NCAPD3: variants seen among roughly 807,000 people sequenced by gnomAD.
NCAPD3 encodes condensin-2 complex subunit D3.
A neutral mutation model predicts 182.9 loss-of-function variants in NCAPD3; 105 were observed. The observed-to-expected ratio is 0.57, with a 90% CI of 0.49 to 0.68. The LOEUF is 0.68. Among genes scored for constraint, NCAPD3 ranks in the 30% least tolerant of loss-of-function variants. The probability of loss-of-function intolerance (pLI) is 0.00; values close to 1 mark genes in which losing one functional copy is unlikely to be tolerated. For synonymous variants in NCAPD3, 815 were observed against 679.9 expected (o/e 1.20, Z -3.09); for missense variants, 1,944 against 1,837.0 (o/e 1.06, Z -1.07).
intron 27 of NCAPD3, among the ~76,000 whole-genome samples, chr11:134,166,019 A>T (rs1383388535): frequency 1.8e-5 from 2 of 113,592 alleles, no homozygotes; most frequent in Admixed American, 1.0e-4. Flanking sequence ...TTGTGAGATG[A>T]GCTTGGGGGA....
intron 19 of NCAPD3, among the ~76,000 whole-genome samples, chr11:134,183,536 C>G (rs1247636690): frequency 6.6e-6 from 1 of 152,284 alleles, no homozygotes; most frequent in East Asian, 1.9e-4. Context: ...CCACTGTACT[C>G]TAGCCTGGGT....
At chr11:134,171,995 A>G (rs895244059) in intron 24 of NCAPD3, among the ~76,000 whole-genome samples, 6 of 152,138 alleles carry the variant, frequency 3.9e-5, no homozygotes, top group African/African-American at 1.4e-4. Flanking sequence ...GGAACAACAA[A>G]ACCAAACTCA....
Position 134,194,120 on chromosome 11 carries a change from C to A in NCAPD3, c.1720G>T (p.Val574Phe). ...CACAGGTCTTCCTTCATGCCTGAGA[C>A]ATCACAGTGTTTCAAAATACTCACT... ...VLVSILKHCD[V>F]SGMKEDLWIL... The change falls in exon 15 of 35, where the codon GTC (valine) becomes TTC (phenylalanine). Residue 574 changes from valine (V) to phenylalanine (F), a missense_variant. Val to Phe is a conservative substitution (Grantham distance 50). This residue lies in a region of NCAPD3 where 1,803 missense variants were observed against 1,674.6 expected (regional missense o/e 1.08). Transcript: ENST00000534548. The A allele has an allele frequency of 6.2e-7, 1 of 1,614,176 alleles. No homozygotes were observed. The highest frequency in any genetic ancestry group is 8.5e-7 in the Non-Finnish European group (1 of 1,180,006).
At chr11:134,225,295 A>G (rs1023897341), upstream of NCAPD3, 13 of 1,613,804 alleles carry the variant, frequency 8.1e-6, no homozygotes, top group Admixed American at 3.3e-5. Flanking sequence ...AAGAACCCCA[A>G]CAAGCGGCTG....
In NCAPD3 at chr11:134,185,522, A is replaced by C; in HGVS notation, c.2050T>G (p.Tyr684Asp). The change falls in exon 17 of 35, where the codon TAT becomes GAT. Residue 684 changes from tyrosine to aspartate, a missense_variant. Around this residue, in one of 3 missense-constraint regions of NCAPD3, gnomAD observed 1,803 missense variants for 1,674.6 expected, o/e 1.08. Coordinates refer to ENST00000534548, the MANE Select transcript of NCAPD3 (RefSeq NM_015261.3). ...LTTESQELSR[Y>D]LNKAFHIWSK... Reference sequence around the variant, plus strand: ...CAGATATGAAAAGCCTTATTTAAATATCGGCTGGAAAAAAAAAAGATAGAA... The same window carrying C: ...CAGATATGAAAAGCCTTATTTAAATCTCGGCTGGAAAAAAAAAAGATAGAA... The C allele has an allele frequency of 6.3e-7, 1 of 1,580,442 alleles. No homozygotes were observed. Among genetic ancestry groups the C allele is most frequent in the Non-Finnish European group, 8.6e-7 (1 of 1,166,050 alleles).
intron 2 of NCAPD3, among the ~76,000 whole-genome samples, chr11:134,218,856 C>T (rs1938122883): frequency 6.6e-6 from 1 of 152,224 alleles, no homozygotes; most frequent in Admixed American, 6.5e-5. Flanking sequence ...TCCCTGCACA[C>T]AATTTTTCCC....
upstream of NCAPD3, chr11:134,224,682 A>G (rs1938391669): frequency 6.6e-6 from 1 of 151,856 alleles, no homozygotes; most frequent in Admixed American, 6.6e-5. Flanking sequence ...GAGCCGCCGA[A>G]GCGCCTCGGT....
intron 32 of NCAPD3, chr11:134,153,659 G>C (rs1203622612): frequency 3.0e-5 from 14 of 465,200 alleles, no homozygotes; most frequent in Non-Finnish European, 4.3e-5. Context: ...CATTGCCCCT[G>C]TCCCGGTGAC....
intron 28 of NCAPD3, among the ~76,000 whole-genome samples, chr11:134,161,258 G>A (rs562320425): frequency 1.2e-4 from 18 of 152,194 alleles, no homozygotes; most frequent in East Asian, 1.9e-4. Flanking sequence ...ACTTAGGTCC[G>A]CCCTGCAAGT....
At chr11:134,218,061 G>T (rs1222918550) in intron 2 of NCAPD3, among the ~76,000 whole-genome samples, 1 of 127,594 alleles carries the variant, frequency 7.8e-6, no homozygotes, top group East Asian at 2.7e-4. Context: ...CTGTGCCACT[G>T]CATTCCAGCC....
At chr11:134,155,172 G>A (rs1213778547) in intron 32 of NCAPD3, among the ~76,000 whole-genome samples, 3 of 152,112 alleles carry the variant, frequency 2.0e-5, no homozygotes, top group East Asian at 1.9e-4. Flanking sequence ...TAAAATCCTC[G>A]CTCTGAAAAT....
chr11:134,219,313 C>T (rs534444736), intron 2 of NCAPD3, among the ~76,000 whole-genome samples: 1 of 152,254 alleles, frequency 6.6e-6, no homozygotes, highest in South Asian at 2.1e-4. Context: ...GAGCATTTTT[C>T]ACAGTGTGGT....
In NCAPD3 at chr11:134,206,132, A is replaced by G. The variant is rs186860167; in HGVS notation, c.1016+467T>C. Among the ~76,000 whole-genome samples the G allele has an allele frequency of 5.5e-4, 84 of 152,376 alleles. 2 individuals are homozygous for G. The highest frequency in any genetic ancestry group is 1.8e-3 in the African/African-American group (75 of 41,590). ...CTAACACTTATTGCTACGGAGGTAA[A>G]AAGCAACTCAATCCTTTCCTTCAAG... On this transcript the variant is annotated intron_variant, in intron 8 of 34. Coordinates refer to ENST00000534548, the MANE Select transcript of NCAPD3 (RefSeq NM_015261.3).
At position 134,158,330 on chromosome 11, in the gene NCAPD3, T is replaced by G; in HGVS notation, c.4033A>C (p.Arg1345=). Residue 1345 remains arginine, a splice_region_variant and synonymous_variant, in exon 30 of 35, where the codon AGG becomes CGG. Transcript: ENST00000534548. ...GPLQRLLPKA[R]PMSLSTIAIL... Reference sequence around the variant, plus strand: ...ATGTGGCCTCCAGGGGCTCTTTACCTGGCTTTGGGCAGCAACCTCTGCAAT... The same window carrying G: ...ATGTGGCCTCCAGGGGCTCTTTACCGGGCTTTGGGCAGCAACCTCTGCAAT... 6.2e-7 allele frequency: 1 copy of G among 1,614,084 alleles called. No individual in the cohort carries two copies. The highest frequency in any genetic ancestry group is 8.5e-7 in the Non-Finnish European group (1 of 1,180,006).
intron 16 of NCAPD3, among the ~76,000 whole-genome samples, chr11:134,188,475 G>A (rs1033131780): frequency 9.2e-5 from 14 of 151,934 alleles, no homozygotes; most frequent in African/African-American, 3.4e-4. Flanking sequence ...GCTCTTCACA[G>A]TAAATCTTAC....
At chr11:134,224,139 A>C, upstream of NCAPD3, 1 of 616,028 alleles carries the variant, frequency 1.6e-6, no homozygotes, top group Non-Finnish European at 2.9e-6. Context: ...AAGCCAAACA[A>C]GGCTCCTGCG....
chr11:134,204,208 C>T lies in NCAPD3; in HGVS notation c.1090-37G>A, dbSNP rs756025443. The T allele has an allele frequency of 1.2e-5, 19 of 1,605,842 alleles. No individual in the cohort carries two copies. The East Asian group carries it at 4.0e-4, about 34-fold the overall frequency. On this transcript the variant is annotated intron_variant, in intron 9 of 34. Coordinates refer to ENST00000534548, the MANE Select transcript of NCAPD3 (RefSeq NM_015261.3). The surrounding 1 kb of genome is among the most constrained non-coding windows in gnomAD (Gnocchi z 4.3). ...AAAGAGAAGTTGACCAACCAATATCCACCCGCAGGATGGCTGAAACATATT... is the reference window on the plus strand; with the variant it reads ...AAAGAGAAGTTGACCAACCAATATCTACCCGCAGGATGGCTGAAACATATT...
In NCAPD3 at chr11:134,152,024, T is replaced by G. The variant is rs937106631; in HGVS notation, c.*920A>C. The G allele has an allele frequency of 6.6e-6, 1 of 152,236 alleles. No homozygotes were observed. The highest frequency in any genetic ancestry group is 1.5e-5 in the Non-Finnish European group (1 of 68,050). The allele number at this position is 152,236 out of a possible 1,614,324, so 9.4% of individuals were successfully genotyped here. On this transcript the variant is annotated 3_prime_UTR_variant, in exon 35 of 35. Coordinates refer to ENST00000534548, the MANE Select transcript of NCAPD3 (RefSeq NM_015261.3). ...AAACCAACCAACGCACATCATCACT[T>G]TGTACTTTTGCTTTTGTAATACTGG...
intron 16 of NCAPD3, among the ~76,000 whole-genome samples, chr11:134,188,154 C>T (rs1944449978): frequency 6.6e-6 from 1 of 152,042 alleles, no homozygotes; most frequent in African/African-American, 2.4e-5. Flanking sequence ...ATTGTAAATG[C>T]ACCAATCAGC....
Sources: gnomAD v4.1 joint callset for allele counts (sites outside exome capture counted in the v4.1 genomes callset) on GRCh38, gnomAD v4.1.1 for gene constraint, gnomAD v4.1.1 regional missense constraint, Gnocchi (gnomAD v3.1) non-coding constraint, MANE v1.5 for transcripts, NCBI Gene and HGNC (gene_info 2026-07-23, HGNC 2026-07-21) for gene names.